The following SP110 variants were observed in gnomAD, a reference collection of about 807,000 sequenced individuals.
SP110 encodes SP110 nuclear body protein.
Under a neutral mutation model 92.7 loss-of-function variants are expected in SP110, and 62 were observed. The observed-to-expected ratio is 0.67, with a 90% CI of 0.55 to 0.83. SP110 has a LOEUF of 0.83. Ranked by LOEUF, SP110 falls within the 40% of genes least tolerant of loss-of-function variation. SP110 has a pLI of 0.00. For missense variants in SP110, 793 were observed against 863.9 expected (o/e 0.92, Z 1.03); for synonymous variants, 273 against 305.3 (o/e 0.89, Z 1.10).
intron 8 of SP110, among the ~76,000 whole-genome samples, chr2:230,204,645 C>A (rs1009642637): frequency 6.6e-6 from 1 of 151,048 alleles, no homozygotes; most frequent in South Asian, 2.1e-4. Context: ...CTAATTTGTG[C>A]CAGGACATTA....
At chr2:230,219,111 G>C (rs2045558663) in intron 1 of SP110, among the ~76,000 whole-genome samples, 1 of 152,204 alleles carries the variant, frequency 6.6e-6, no homozygotes, top group Non-Finnish European at 1.5e-5. Flanking sequence ...TGTAGTCCCA[G>C]TTACTCAGGA....
intron 15 of SP110, 184 bp from the exon 16 acceptor site, chr2:230,172,358 C>T (rs2078467820): frequency 1.2e-5 from 8 of 647,720 alleles, no homozygotes; most frequent in South Asian, 5.2e-5. Flanking sequence ...TCAGTGGTAG[C>T]GGCAGGCGGG....
chr2:230,169,682 C>G (rs755100663), intron 18 of SP110, among the ~76,000 whole-genome samples: 9 of 152,120 alleles, frequency 5.9e-5, no homozygotes, highest in Non-Finnish European at 1.3e-4. Context: ...GATGCTGCTA[C>G]TAAAATGTTG....
At chr2:230,220,617 G>C (rs529389291), upstream of SP110, among the ~76,000 whole-genome samples, 1 of 152,296 alleles carries the variant, frequency 6.6e-6, no homozygotes, top group Admixed American at 6.5e-5. Context: ...GCTGATTCCA[G>C]AGAGCAGTAA....
Position 230,200,913 on chromosome 2 carries a change from C to A in SP110, c.1101G>T (p.Thr367=), listed in dbSNP as rs200621430. 3.7e-6 allele frequency: 6 copies of A among 1,613,724 alleles called. No individual in the cohort carries two copies. The highest frequency in any genetic ancestry group is 5.1e-6 in the Non-Finnish European group (6 of 1,179,638). ...GTGTGACCCTTCGTGGTGTACTAGGCGTCTTCTGGGACCTCTTTCCTTCAT... is the reference window on the plus strand; with the variant it reads ...GTGTGACCCTTCGTGGTGTACTAGGAGTCTTCTGGGACCTCTTTCCTTCAT... The part of the protein sequence containing the change: ...EMNEGKRSQK[T]PSTPRRVTQG... The change falls in exon 10 of 19, where the codon ACG becomes ACT. Residue 367 remains threonine, a synonymous_variant. Coordinates refer to ENST00000258381, the MANE Select transcript of SP110 (RefSeq NM_080424.4).
At position 230,212,910 on chromosome 2, in the gene SP110, G is replaced by T; in HGVS notation, c.434C>A (p.Pro145His). Reference protein sequence around the residue: ...TPLALPPPQPPQPSCSPCAPR... With the variant: ...TPLALPPPQPHQPSCSPCAPR... ...CGCACAGGGTGAACAGCTTGGTTGA[G>T]GGGGTTGTGGTGGGGGCAGCGCCAG... is the stretch of plus-strand genomic sequence containing the variant. Residue 145 changes from proline to histidine, a missense_variant, in exon 4 of 19, where the codon CCT becomes CAT. Pro to His is a moderately conservative substitution (Grantham distance 77). Coordinates refer to ENST00000258381, the MANE Select transcript of SP110 (RefSeq NM_080424.4). 1.9e-6 allele frequency: 3 copies of T among 1,614,116 alleles called. No homozygotes were observed. Among genetic ancestry groups the T allele is most frequent in the South Asian group, 2.2e-5 (2 of 91,078 alleles).
intron 9 of SP110, among the ~76,000 whole-genome samples, chr2:230,201,727 C>T (rs898091077): frequency 6.6e-6 from 1 of 152,222 alleles, no homozygotes; most frequent in Non-Finnish European, 1.5e-5. Flanking sequence ...ATTTTCCAAA[C>T]AGCTGTACTA....
chr2:230,185,305 G>T (rs141649196), intron 11 of SP110, among the ~76,000 whole-genome samples: 64 of 152,284 alleles, frequency 4.2e-4, no homozygotes, highest in African/African-American at 1.0e-3. Context: ...GAGTCCACAG[G>T]CAGGGCTGTA....
intron 10 of SP110, among the ~76,000 whole-genome samples, chr2:230,188,427 A>T (rs2042457032): frequency 6.6e-6 from 1 of 152,126 alleles, no homozygotes; most frequent in Non-Finnish European, 1.5e-5. Flanking sequence ...TGATCATATA[A>T]TCAGGGAACA....
At chr2:230,172,809 G>T in intron 15 of SP110, 35 bp downstream of exon 15, 1 of 1,387,158 alleles carries the variant, frequency 7.2e-7, no homozygotes, top group Non-Finnish European at 1.0e-6. Context: ...GGAGGTGAGT[G>T]CTGTGTGCCC....
chr2:230,196,992 A>G (rs1052103609), intron 10 of SP110, among the ~76,000 whole-genome samples: 5 of 152,098 alleles, frequency 3.3e-5, no homozygotes, highest in Admixed American at 2.6e-4. Flanking sequence ...GAATAGTGCC[A>G]CAATAAACAT....
upstream of SP110, chr2:230,221,910 A>G: frequency 4.8e-6 from 3 of 623,806 alleles, no homozygotes; most frequent in East Asian, 5.6e-5. Context: ...GCGAATGAGG[A>G]TGAAAGATGT....
Position 230,178,186 on chromosome 2 carries a change from C to T in SP110, c.1418G>A (p.Gly473Glu), listed in dbSNP as rs1436656028. ...TTTCATTTTCTTCTTATATAAAATC[C>T]CTTTCGCCTCACCACAGGTCACGGG... The part of the protein sequence containing the change: ...KLPVTCGEAK[G>E]ILYKKKMKHG... The change falls in exon 13 of 19, where the codon GGG becomes GAG. Residue 473 changes from glycine to glutamate, a missense_variant. Gly to Glu is a moderately conservative substitution (Grantham distance 98). Coordinates refer to ENST00000258381, the MANE Select transcript of SP110 (RefSeq NM_080424.4). 1 of 1,612,518 alleles carries T rather than the reference C, an allele frequency of 6.2e-7. No individual in the cohort carries two copies. Among genetic ancestry groups the T allele is most frequent in the Non-Finnish European group, 8.5e-7 (1 of 1,178,640 alleles).
intron 8 of SP110, among the ~76,000 whole-genome samples, chr2:230,206,595 TTATATATA>T (rs56817002): frequency 0.047 from 3,297 of 70,370 alleles, 170 homozygotes; most frequent in Admixed American, 0.066. Flanking sequence ...GGTCCAGATT[TTATATATA>T]TATATATATA....
intron 14 of SP110, 69 bp downstream of exon 14, chr2:230,177,469 T>C (rs2041917029): frequency 6.7e-7 from 1 of 1,489,364 alleles, no homozygotes; most frequent in Non-Finnish European, 9.4e-7. Flanking sequence ...TTCACATTTC[T>C]GCTCTTAAAG....
In SP110 at chr2:230,186,272, C is replaced by A. The variant is rs189587799; in HGVS notation, c.1130-129G>T. ...TTCTTGTGTGTATCTTTCTTCCCCCCAGACTCATAATACTTCCTTCTATTT... is the reference window on the plus strand; with the variant it reads ...TTCTTGTGTGTATCTTTCTTCCCCCAAGACTCATAATACTTCCTTCTATTT... On this transcript the variant is annotated intron_variant, in intron 10 of 18. Transcript: ENST00000258381. 757 of 868,678 alleles carry A rather than the reference C, an allele frequency of 8.7e-4. 7 individuals carry two copies. Among genetic ancestry groups the A allele is most frequent in the South Asian group, 3.2e-3 (199 of 62,166 alleles). 53.8% of individuals were successfully genotyped at this position (868,678 alleles called of 1,614,324 possible).
At chr2:230,172,275 C>T (rs1350549153) in intron 15 of SP110, 101 bp from the exon 16 acceptor site, 4 of 826,108 alleles carry the variant, frequency 4.8e-6, no homozygotes, top group Non-Finnish European at 8.6e-6. Context: ...TGGGCTCAGC[C>T]ATGAGGGTGG....
At chr2:230,215,459 A>G (rs1178211924) in intron 2 of SP110, among the ~76,000 whole-genome samples, 1 of 152,220 alleles carries the variant, frequency 6.6e-6, no homozygotes, top group East Asian at 1.9e-4. Flanking sequence ...TGATTCTTTA[A>G]AGCTGTGGGC....
In SP110 at chr2:230,212,889, C is replaced by T. The variant is rs1441204648; in HGVS notation, c.455G>A (p.Cys152Tyr). ...PQPPQPSCSP[C>Y]APRVSEPGTS... ...TCCAGGCTCACTGACTCTTGGCGCA[C>T]AGGGTGAACAGCTTGGTTGAGGGGG... The change falls in exon 4 of 19, where the codon TGT (cysteine) becomes TAT (tyrosine). Residue 152 changes from cysteine to tyrosine, a missense_variant. By Grantham distance (194) the Cys-to-Tyr change is radical (BLOSUM62 -2). Coordinates refer to ENST00000258381, the MANE Select transcript of SP110 (RefSeq NM_080424.4). 6.2e-7 allele frequency: 1 copy of T among 1,614,064 alleles called. No individual in the cohort carries two copies. The highest frequency in any genetic ancestry group is 1.1e-5 in the South Asian group (1 of 91,074).
Sources: allele counts gnomAD v4.1 joint callset (sites outside exome capture counted in the v4.1 genomes callset), GRCh38; gene constraint gnomAD v4.1.1; transcripts MANE v1.5; gene names NCBI Gene and HGNC (gene_info 2026-07-23, HGNC 2026-07-21).